Variants in MPPED1 observed in about 807,000 individuals in gnomAD.
The protein encoded by MPPED1 is metallophosphoesterase domain-containing protein 1.
A neutral mutation model predicts 36.2 loss-of-function variants in MPPED1; 16 were observed. That is an observed-to-expected ratio of 0.44 (90% confidence interval 0.30 to 0.67). MPPED1 has a LOEUF of 0.67. Among genes scored for constraint, MPPED1 ranks in the 30% least tolerant of loss-of-function variants. The pLI, the probability that MPPED1 is intolerant of heterozygous loss-of-function variation, is 0.10. For missense variants in MPPED1, 307 were observed against 453.4 expected (o/e 0.68, Z 2.93); for synonymous variants, 199 against 191.3 (o/e 1.04, Z -0.33).
intron 3 of MPPED1, among the ~76,000 whole-genome samples, chr22:43,455,601 C>T (rs181712494): frequency 6.0e-4 from 91 of 151,814 alleles, no homozygotes; most frequent in African/African-American, 2.2e-3. Flanking sequence ...GGTGAAACTG[C>T]CATCACTAGA....
At chr22:43,442,001 C>A (rs141526488) in intron 3 of MPPED1, among the ~76,000 whole-genome samples, 1 of 152,252 alleles carries the variant, frequency 6.6e-6, no homozygotes, top group East Asian at 1.9e-4. Context: ...GGTGGGGCCT[C>A]GCCCTCCCCT....
chr22:43,445,883 TTC>T lies in MPPED1; in HGVS notation c.406+10670_406+10671del, dbSNP rs1216254144. ...CTGTGCCTAGCCTGGTGTTTACATT[TTC>T]TTTTTTTTTTTTTTTGAGACAGGGT... On this transcript the variant is annotated intron_variant, in intron 3 of 6. Coordinates refer to ENST00000443721, the MANE Select transcript of MPPED1 (RefSeq NM_001044370.2). Among the ~76,000 whole-genome samples, 15 of 57,894 alleles carry T rather than the reference TTC, an allele frequency of 2.6e-4. 1 individual carries two copies. The highest frequency in any genetic ancestry group is 3.7e-4 in the Non-Finnish European group (6 of 16,198). The allele number at this position is 57,894 out of a possible 152,430, so 38.0% of individuals were successfully genotyped here.
rs1326902181 is a variant in MPPED1 at position 43,497,029 on chromosome 22, G to GGTGGTGGTGGAGGTA, written c.633-1193_633-1179dup. On this transcript the variant is annotated intron_variant, in intron 4 of 6. Coordinates refer to ENST00000443721, the MANE Select transcript of MPPED1 (RefSeq NM_001044370.2). ...TGGTGGAGGTAGTGGTGGTGGAAGT[G>GGTGGTGGTGGAGGTA]GTGGTGGTGGAGGTAGTGGTGGTGG... 2.1e-5 allele frequency among the ~76,000 whole-genome samples: 3 copies of GGTGGTGGTGGAGGTA among 141,890 alleles called. No homozygotes were observed. In the East Asian group the frequency reaches 6.6e-4, roughly 31 times the overall value. 93.1% of individuals were successfully genotyped at this position (141,890 alleles called of 152,430 possible). A position where few individuals can be genotyped will look rare whatever the true frequency, so the allele number is the denominator to read the frequency against.
chr22:43,435,803 G>A (rs1444156607), intron 3 of MPPED1, among the ~76,000 whole-genome samples: 1 of 152,216 alleles, frequency 6.6e-6, no homozygotes, highest in Non-Finnish European at 1.5e-5. Context: ...GTTGCAGTGA[G>A]CCCAGATCAC....
At chr22:43,495,519 TGGAGGTGGTGGTGGTGGA>T (rs1932264098) in intron 4 of MPPED1, among the ~76,000 whole-genome samples, 1 of 81,362 alleles carries the variant, frequency 1.2e-5, no homozygotes, top group African/African-American at 5.2e-5. Context: ...GTGGTGGTGG[TGGAGGTGGTGGTGGTGGA>T]GATGGTGGTG....
At chr22:43,484,045 C>G (rs1425006876) in intron 4 of MPPED1, among the ~76,000 whole-genome samples, 3 of 152,248 alleles carry the variant, frequency 2.0e-5, no homozygotes, top group African/African-American at 7.2e-5. Context: ...TGCGGCCTCA[C>G]GGCCATTAGG....
At chr22:43,415,077 C>G (rs1222336144) in intron 1 of MPPED1, among the ~76,000 whole-genome samples, 3 of 151,994 alleles carry the variant, frequency 2.0e-5, no homozygotes, top group Non-Finnish European at 2.9e-5. Flanking sequence ...TTTAATGTAG[C>G]CTGGGGCACT....
At chr22:43,456,361 A>C (rs1343321337) in intron 3 of MPPED1, among the ~76,000 whole-genome samples, 2 of 152,224 alleles carry the variant, frequency 1.3e-5, no homozygotes, top group Admixed American at 6.5e-5. Context: ...GCCTGGGCTT[A>C]GGTGATTCTC....
chr22:43,498,657 C>T (rs1383572412), intron 5 of MPPED1, among the ~76,000 whole-genome samples: 5 of 152,092 alleles, frequency 3.3e-5, no homozygotes, highest in Non-Finnish European at 7.4e-5. Flanking sequence ...GTCCCGGGTG[C>T]TGAAAATCAC....
intron 1 of MPPED1, chr22:43,417,590 A>G (rs1455944501): frequency 1.3e-5 from 2 of 153,158 alleles, no homozygotes; most frequent in South Asian, 2.1e-4. Context: ...TTGTAAAACA[A>G]TTCTCCCCAG....
At chr22:43,428,108 A>G (rs1039360361) in intron 2 of MPPED1, among the ~76,000 whole-genome samples, 1 of 152,158 alleles carries the variant, frequency 6.6e-6, no homozygotes, top group African/African-American at 2.4e-5. Context: ...GCTTACATCC[A>G]GTGGATGGCA....
rs551512400 is a variant in MPPED1, at chr22:43,472,472, G to A, written c.407-2264G>A. ...GCACAGGGAAGCTAAGTCGTACAGC[G>A]GGTTGGTGGCAGAGTGGGTCTGGGA... On this transcript the variant is annotated intron_variant, in intron 3 of 6. Transcript: ENST00000443721. Among the ~76,000 whole-genome samples the A allele has an allele frequency of 2.0e-4, 30 of 152,338 alleles. No individual in the cohort carries two copies. In the South Asian group the frequency reaches 5.6e-3, roughly 28 times the overall value.
intron 4 of MPPED1, among the ~76,000 whole-genome samples, chr22:43,495,687 T>A (rs1452692186): frequency 3.0e-4 from 13 of 43,024 alleles, no homozygotes; most frequent in African/African-American, 2.4e-3. Context: ...GTGGAGATGG[T>A]GGTGGTGGAG....
chr22:43,455,918 C>G (rs1430407425), intron 3 of MPPED1, among the ~76,000 whole-genome samples: 1 of 152,208 alleles, frequency 6.6e-6, no homozygotes, highest in Non-Finnish European at 1.5e-5. Context: ...TTTCACTGCT[C>G]TGGGGGTCAG....
At chr22:43,466,773 A>T (rs994117625) in intron 3 of MPPED1, among the ~76,000 whole-genome samples, 4 of 152,104 alleles carry the variant, frequency 2.6e-5, no homozygotes, top group African/African-American at 9.7e-5. Context: ...AATTATTCGA[A>T]CTAGACAGTC....
chr22:43,501,620 G>A (rs1014777691), intron 5 of MPPED1, among the ~76,000 whole-genome samples: 2 of 152,182 alleles, frequency 1.3e-5, no homozygotes, highest in Admixed American at 1.3e-4. Context: ...CAGAAGTGAA[G>A]AAGGATCCGG....
chr22:43,503,764 G>T (rs901826459), intron 6 of MPPED1, among the ~76,000 whole-genome samples: 4 of 152,156 alleles, frequency 2.6e-5, no homozygotes, highest in Non-Finnish European at 5.9e-5. Flanking sequence ...GTCATTTTCT[G>T]TGGCCCTACT....
chr22:43,448,346 A>T (rs1343464480), intron 3 of MPPED1, among the ~76,000 whole-genome samples: 1 of 152,140 alleles, frequency 6.6e-6, no homozygotes, highest in Non-Finnish European at 1.5e-5. Context: ...TGAGAAACTG[A>T]CTTTTGTATT....
intron 3 of MPPED1, among the ~76,000 whole-genome samples, chr22:43,470,574 A>C (rs1426838645): frequency 6.6e-6 from 1 of 152,088 alleles, no homozygotes; most frequent in Non-Finnish European, 1.5e-5. Flanking sequence ...TCCATCTATA[A>C]ACGATTTATC....
Sources: allele counts gnomAD v4.1 joint callset (sites outside exome capture counted in the v4.1 genomes callset), GRCh38; gene constraint gnomAD v4.1.1; transcripts MANE v1.5; gene names NCBI Gene and HGNC (gene_info 2026-07-23, HGNC 2026-07-21).